PDIA6: variants seen among roughly 807,000 people sequenced by gnomAD.
The protein encoded by PDIA6 is protein disulfide-isomerase A6.
Under a neutral mutation model 58.4 loss-of-function variants are expected in PDIA6, and 29 were observed. That is an observed-to-expected ratio of 0.50 (90% CI 0.37 to 0.68). The LOEUF is 0.68. Ranked by LOEUF, PDIA6 falls within the 30% of genes least tolerant of loss-of-function variation. The pLI, the probability that PDIA6 is intolerant of heterozygous loss-of-function variation, is 0.00. For synonymous variants in PDIA6, 192 were observed against 202.6 expected (o/e 0.95, Z 0.44); for missense variants, 480 against 551.0 (o/e 0.87, Z 1.29).
intron 1 of PDIA6, chr2:10,820,932 A>G: frequency 1.4e-6 from 1 of 692,866 alleles, no homozygotes; most frequent in Non-Finnish European, 2.6e-6. Context: ...AGAGTCAGGA[A>G]GAGGAAGCTG....
intron 11 of PDIA6, among the ~76,000 whole-genome samples, chr2:10,786,548 C>T (rs1665769646): frequency 6.7e-6 from 1 of 150,330 alleles, no homozygotes; most frequent in African/African-American, 2.5e-5. Context: ...ACACAGCACA[C>T]AAACTTCTGT....
upstream of PDIA6, among the ~76,000 whole-genome samples, chr2:10,836,080 G>A (rs1667826404): frequency 6.6e-6 from 1 of 152,036 alleles, no homozygotes; most frequent in Admixed American, 6.5e-5. Context: ...TTCAGACCGT[G>A]GAGTACCTTG....
At chr2:10,814,909 G>A (rs76234458), upstream of PDIA6, among the ~76,000 whole-genome samples, 28 of 152,346 alleles carry the variant, frequency 1.8e-4, 1 homozygote, top group East Asian at 5.2e-3. Context: ...CCCTTTGTGT[G>A]CTGTGTGGTC....
chr2:10,808,752 T>C (rs1410926915), intron 1 of PDIA6, among the ~76,000 whole-genome samples: 2 of 152,242 alleles, frequency 1.3e-5, no homozygotes, highest in African/African-American at 4.8e-5. Flanking sequence ...TACATGTGGC[T>C]ACCCCAAACT....
chr2:10,806,271 G>C (rs546319004), intron 1 of PDIA6, among the ~76,000 whole-genome samples: 1 of 151,212 alleles, frequency 6.6e-6, no homozygotes, highest in Admixed American at 6.6e-5. Context: ...GAGAGGCTGA[G>C]GTGGGAGGAT....
chr2:10,816,521 G>C (rs1333784430), upstream of PDIA6, among the ~76,000 whole-genome samples: 1 of 116,858 alleles, frequency 8.6e-6, no homozygotes. Context: ...CCCTTTTTGT[G>C]CTTTCTTTTT....
chr2:10,827,564 T>C (rs889072148), intron 1 of PDIA6, among the ~76,000 whole-genome samples: 4 of 152,052 alleles, frequency 2.6e-5, no homozygotes, highest in Non-Finnish European at 5.9e-5. Context: ...TGGCTCACAC[T>C]TGTAATTCCA....
Position 10,797,154 on chromosome 2 carries a change from ACCT to A in PDIA6, c.270_272del (p.Gly91del). 6.2e-7 allele frequency: 1 copy of A among 1,611,920 alleles called. No homozygotes were observed. Among genetic ancestry groups the A allele is most frequent in the Non-Finnish European group, 8.5e-7 (1 of 1,178,188 alleles). ...TAGGAAATCCCTGAACACCATACTG[ACCT>A]CCTAGGGAATGATGCTTATCTGCAT... On this transcript the variant is annotated inframe_deletion, in exon 4 of 13. Transcript: ENST00000272227.
chr2:10,798,573 C>CAAAAA (rs71392259), intron 2 of PDIA6, among the ~76,000 whole-genome samples: 4 of 133,190 alleles, frequency 3.0e-5, no homozygotes, highest in African/African-American at 1.2e-4. Context: ...GTCCCCCACC[C>CAAAAA]AAAAAAAAAA....
In PDIA6 at chr2:10,818,163, T is replaced by C. The variant is rs115393645; in HGVS notation, c.34+1111A>G. 2.6e-3 allele frequency among the ~76,000 whole-genome samples: 397 copies of C among 151,706 alleles called. 1 individual carries two copies. Among genetic ancestry groups the C allele is most frequent in the African/African-American group, 9.1e-3 (374 of 41,204 alleles). On this transcript the variant is annotated intron_variant, in intron 2 of 13. Coordinates refer to the PDIA6 transcript ENST00000381611. ...TAACATAAAATAAAATTTACCACTTTAACTTTTTTTTTTTTTTGAGACAGG... is the reference window on the plus strand; with the variant it reads ...TAACATAAAATAAAATTTACCACTTCAACTTTTTTTTTTTTTTGAGACAGG...
chr2:10,799,976 G>A (rs1666434886), intron 2 of PDIA6, among the ~76,000 whole-genome samples: 1 of 151,266 alleles, frequency 6.6e-6, no homozygotes, highest in Non-Finnish European at 1.5e-5. Flanking sequence ...TTAGGGGAGG[G>A]AGTCTATGAA....
upstream of PDIA6, among the ~76,000 whole-genome samples, chr2:10,817,336 C>G (rs950259312): frequency 6.6e-6 from 1 of 152,128 alleles, no homozygotes; most frequent in Non-Finnish European, 1.5e-5. Context: ...GGCTGCAAAC[C>G]CCCTGTGTCT....
At chr2:10,820,989 G>A (rs1304039921) in intron 1 of PDIA6, 8 of 633,590 alleles carry the variant, frequency 1.3e-5, no homozygotes, top group East Asian at 2.8e-5. Context: ...TAAGCAGGTC[G>A]TTGGGCCCAG....
chr2:10,786,003 C>T (rs563903451), intron 11 of PDIA6, among the ~76,000 whole-genome samples: 3 of 152,228 alleles, frequency 2.0e-5, no homozygotes, highest in South Asian at 2.1e-4. Context: ...CGTGAGCCAC[C>T]GCACCCAGCC....
At position 10,788,809 on chromosome 2, in the gene PDIA6, A is replaced by G. The variant is rs1437317209; in HGVS notation, c.926-40T>C. ...CAAAGTTTTTTAAAGGTAAAGATAAAGGAGTCCATAAAATTAATCCATTTA... is the reference window on the plus strand; with the variant it reads ...CAAAGTTTTTTAAAGGTAAAGATAAGGGAGTCCATAAAATTAATCCATTTA... On this transcript the variant is annotated intron_variant, in intron 9 of 12. Coordinates refer to ENST00000272227, the MANE Select transcript of PDIA6 (RefSeq NM_005742.4). 5.1e-6 allele frequency: 8 copies of G among 1,564,976 alleles called. No homozygotes were observed. The South Asian group carries it at 7.8e-5, about 15-fold the overall frequency.
chr2:10,821,061 TC>T, intron 1 of PDIA6: 1 of 530,474 alleles, frequency 1.9e-6, no homozygotes, highest in Non-Finnish European at 3.4e-6. Context: ...AATTTTCAGG[TC>T]GTGTTTTAAA....
chr2:10,816,077 CTTTTTT>C (rs57404091), upstream of PDIA6, among the ~76,000 whole-genome samples: 7,393 of 96,360 alleles, frequency 0.077, 262 homozygotes, highest in Middle Eastern at 0.2. Flanking sequence ...AATCATTTGT[CTTTTTT>C]TTTTTTTTTT....
In PDIA6 at chr2:10,820,740, C is replaced by A. The variant is rs56121730; in HGVS notation, c.-47-1386G>T. The A allele has an allele frequency of 3.8e-5, 27 of 702,758 alleles. No homozygotes were observed. In the East Asian group the frequency reaches 7.2e-4, roughly 19 times the overall value. 43.5% of individuals were successfully genotyped at this position (702,758 alleles called of 1,614,324 possible). A position where few individuals can be genotyped will look rare whatever the true frequency, so the allele number is the denominator to read the frequency against. On this transcript the variant is annotated intron_variant, in intron 1 of 13. Transcript: ENST00000381611. ...ATCAGCGGCACCAGCTGGGGTGGCC[C>A]GAAGCCAGGGAGCTGGGCCAGTTCA...
chr2:10,837,688 C>T lies in PDIA6; in HGVS notation c.-83G>A, dbSNP rs1174549003. On this transcript the variant is annotated 5_prime_UTR_variant, in exon 1 of 14. Coordinates refer to the PDIA6 transcript ENST00000404824. ...CTAGGTGGCAGAGCTGGGTCTCAAG[C>T]CTGGGCAGCCTGGTGTGCAAGTTCA... 1.4e-5 allele frequency: 21 copies of T among 1,509,640 alleles called. No homozygotes were observed. The Admixed American group carries it at 1.5e-4, about 11-fold the overall frequency. 93.5% of individuals were successfully genotyped at this position (1,509,640 alleles called of 1,614,324 possible). A position where few individuals can be genotyped will look rare whatever the true frequency, so the allele number is the denominator to read the frequency against.
Sources: gnomAD v4.1 joint callset for allele counts (sites outside exome capture counted in the v4.1 genomes callset) on GRCh38, gnomAD v4.1.1 for gene constraint, MANE v1.5 for transcripts, NCBI Gene and HGNC (gene_info 2026-07-23, HGNC 2026-07-21) for gene names.